Variants in SASH1 observed in about 807,000 individuals in gnomAD.
SASH1 encodes SAM and SH3 domain-containing protein 1.
Under a neutral mutation model 125.2 loss-of-function variants are expected in SASH1, and 44 were observed. That is an observed-to-expected ratio of 0.35 (90% CI 0.28 to 0.45). The LOEUF is 0.45. Ranked by LOEUF, SASH1 falls within the 20% of genes least tolerant of loss-of-function variation. SASH1 has a pLI of 1.00. For synonymous variants in SASH1, 639 were observed against 649.1 expected (o/e 0.98, Z 0.24); for missense variants, 1,426 against 1,614.5 (o/e 0.88, Z 2.00).
At chr6:148,450,638 C>A (rs1364502381) in intron 4 of SASH1, among the ~76,000 whole-genome samples, 1 of 150,568 alleles carries the variant, frequency 6.6e-6, no homozygotes, top group Non-Finnish European at 1.5e-5. Flanking sequence ...AACGTGGCTT[C>A]TCGGGTGATG....
chr6:148,208,086 C>T, the SASH1 span, among the ~76,000 whole-genome samples: 9 of 152,306 alleles, frequency 5.9e-5, no homozygotes, highest in African/African-American at 2.2e-4. Flanking sequence ...GCTTCCTCAT[C>T]AGCTGAGCCC....
chr6:148,448,113 A>AGTGTGT (rs113367122), intron 4 of SASH1, among the ~76,000 whole-genome samples: 77 of 133,292 alleles, frequency 5.8e-4, no homozygotes, highest in East Asian at 2.7e-3. Flanking sequence ...TGCAGTGGAG[A>AGTGTGT]GAGTGTGTGT....
At position 148,310,934 on chromosome 6, in the gene SASH1, T is replaced by C. The variant is rs542865168; in HGVS notation, n.74+38557T>C. Among the ~76,000 whole-genome samples the C allele has an allele frequency of 2.0e-5, 3 of 152,158 alleles. No homozygotes were observed. The South Asian group carries it at 6.2e-4, about 32-fold the overall frequency. On this transcript the variant is annotated intron_variant and non_coding_transcript_variant, in intron 1 of 3. Transcript: ENST00000367469. ...TCAGTCTGACAGGGTTTTGTTTGTT[T>C]GTTTTGCTTTGTTTTGTTTTGTTTT...
At chr6:148,462,020 A>G (rs1285572669) in intron 4 of SASH1, among the ~76,000 whole-genome samples, 2 of 150,858 alleles carry the variant, frequency 1.3e-5, no homozygotes, top group East Asian at 3.9e-4. Flanking sequence ...AGTAGCACAG[A>G]TGTGTCAGGC....
intron 1 of SASH1, among the ~76,000 whole-genome samples, chr6:148,295,179 C>T (rs1582927735): frequency 6.6e-6 from 1 of 151,974 alleles, no homozygotes; most frequent in Non-Finnish European, 1.5e-5. Flanking sequence ...AAACGAGTAC[C>T]GGCATTCCTA....
Position 148,281,654 on chromosome 6 carries a change from G to A in SASH1, n.74+9277G>A, listed in dbSNP as rs1779344306. On this transcript the variant is annotated intron_variant and non_coding_transcript_variant, in intron 1 of 3. Transcript: ENST00000367469. Reference sequence around the variant, plus strand: ...AAGAAAATTCCAGGCCGGGCGCGGTGGCTCACGCCTGTAATCCCAGCACTT... The same window carrying A: ...AAGAAAATTCCAGGCCGGGCGCGGTAGCTCACGCCTGTAATCCCAGCACTT... Among the ~76,000 whole-genome samples the A allele has an allele frequency of 1.3e-5, 2 of 152,148 alleles. 1 individual carries two copies. Among genetic ancestry groups the A allele is most frequent in the South Asian group, 4.1e-4 (2 of 4,824 alleles).
intron 8 of SASH1, among the ~76,000 whole-genome samples, chr6:148,499,679 G>A (rs1005355649): frequency 5.9e-5 from 9 of 152,148 alleles, no homozygotes; most frequent in African/African-American, 2.2e-4. Flanking sequence ...TCCAGGAGAA[G>A]GAGAAATGTG....
chr6:148,442,995 C>A (rs1447066648), intron 4 of SASH1, among the ~76,000 whole-genome samples: 4 of 151,944 alleles, frequency 2.6e-5, no homozygotes, highest in African/African-American at 9.7e-5. Context: ...AGACTGTTCT[C>A]GAACTCCTGA....
At chr6:148,298,705 G>GGAAGGAA (rs1298915071) in intron 1 of SASH1, among the ~76,000 whole-genome samples, 1 of 78,932 alleles carries the variant, frequency 1.3e-5, no homozygotes, top group Non-Finnish European at 2.5e-5. Context: ...AAGGAAGGAA[G>GGAAGGAA]GAAGGAAGAA....
chr6:148,450,143 AC>A (rs905912690), intron 4 of SASH1, among the ~76,000 whole-genome samples: 5 of 152,266 alleles, frequency 3.3e-5, no homozygotes, highest in African/African-American at 9.6e-5. Context: ...TCCAAGTGAG[AC>A]CCTTAATGCT....
intron 1 of SASH1, among the ~76,000 whole-genome samples, chr6:148,300,773 G>A (rs943418700): frequency 6.6e-6 from 1 of 152,018 alleles, no homozygotes; most frequent in Admixed American, 6.6e-5. Flanking sequence ...GTAAGCCACT[G>A]CACCTGGCCA....
At chr6:148,460,737 T>C (rs1583197509) in intron 4 of SASH1, among the ~76,000 whole-genome samples, 2 of 152,146 alleles carry the variant, frequency 1.3e-5, no homozygotes, top group Admixed American at 6.5e-5. Context: ...TGAAAATCCA[T>C]TGGATAAAGA....
chr6:148,418,271 G>A (rs1449314754), intron 2 of SASH1, among the ~76,000 whole-genome samples: 1 of 152,116 alleles, frequency 6.6e-6, no homozygotes, highest in South Asian at 2.1e-4. Flanking sequence ...TTACTTTTAT[G>A]TATTTCCTTA....
chr6:148,536,475 G>A (rs1362066875), intron 16 of SASH1, among the ~76,000 whole-genome samples: 2 of 152,160 alleles, frequency 1.3e-5, no homozygotes, highest in Admixed American at 6.5e-5. Context: ...GAGTAGCTGG[G>A]ATTACAGGCA....
chr6:148,442,685 A>C (rs1483223057), intron 4 of SASH1, among the ~76,000 whole-genome samples: 2 of 152,222 alleles, frequency 1.3e-5, no homozygotes, highest in East Asian at 3.8e-4. Flanking sequence ...AGAATAATAT[A>C]GTATAATGAC....
chr6:148,306,634 G>A (rs115628571), intron 1 of SASH1, among the ~76,000 whole-genome samples: 1,957 of 152,226 alleles, frequency 0.013, 46 homozygotes, highest in African/African-American at 0.045. Flanking sequence ...TTTTATTGAA[G>A]CAGTCTTTCC....
rs1782235651 is a variant in SASH1, at chr6:148,541,794, C to G, written c.2209+1238C>G. On this transcript the variant is annotated intron_variant, in intron 17 of 19. Transcript: ENST00000367467. ...TCACTCTAATTCCAATTCTAAGAAG[C>G]ATCTTGGGGACCTCAGAATTTGAGC... Among the ~76,000 whole-genome samples, 3 of 152,138 alleles carry G rather than the reference C, an allele frequency of 2.0e-5. No individual in the cohort carries two copies. The East Asian group carries it at 5.8e-4, about 29-fold the overall frequency.
the SASH1 span, among the ~76,000 whole-genome samples, chr6:148,216,802 C>T: frequency 6.6e-6 from 1 of 152,024 alleles, no homozygotes; most frequent in African/African-American, 2.4e-5. Flanking sequence ...GCAATCTCGG[C>T]TCACTGCAAC....
intron 2 of SASH1, among the ~76,000 whole-genome samples, chr6:148,439,636 G>A (rs1776459321): frequency 6.6e-6 from 1 of 152,136 alleles, no homozygotes; most frequent in Non-Finnish European, 1.5e-5. Flanking sequence ...AATCAGCTGG[G>A]CGTGGTGGCG....
Sources: gnomAD v4.1 joint callset for allele counts (sites outside exome capture counted in the v4.1 genomes callset) on GRCh38, gnomAD v4.1.1 for gene constraint, MANE v1.5 for transcripts, NCBI Gene and HGNC (gene_info 2026-07-23, HGNC 2026-07-21) for gene names.